The following CRB1 variants were observed in gnomAD, a reference collection of about 807,000 sequenced individuals.
CRB1 encodes the protein protein crumbs homolog 1.
CRB1 carries 83 observed loss-of-function variants against 120.0 expected under a neutral mutation model. The ratio of observed to expected loss-of-function variants is 0.69; its 90% confidence interval spans 0.58 to 0.83. CRB1 has a LOEUF of 0.83. CRB1 is among the 40% of genes least tolerant of loss of function. The pLI, the probability that CRB1 is intolerant of heterozygous loss-of-function variation, is 0.00. For missense variants in CRB1, 1,699 were observed against 1,687.6 expected (o/e 1.01, Z -0.12); for synonymous variants, 625 against 612.5 (o/e 1.02, Z -0.30).
intron 5 of CRB1, among the ~76,000 whole-genome samples, chr1:197,389,395 A>T (rs1478246363): frequency 6.6e-6 from 1 of 152,188 alleles, no homozygotes; most frequent in Non-Finnish European, 1.5e-5. Context: ...ATGCTACAAC[A>T]TAGATGAACC....
At chr1:197,262,838 T>C in the CRB1 span, among the ~76,000 whole-genome samples, 1 of 152,218 alleles carries the variant, frequency 6.6e-6, no homozygotes, top group Admixed American at 6.5e-5. Flanking sequence ...GCTGCATCTA[T>C]GTTCTTGCAA....
intron 5 of CRB1, among the ~76,000 whole-genome samples, chr1:197,406,363 G>C (rs1663393757): frequency 6.6e-6 from 1 of 152,100 alleles, no homozygotes; most frequent in South Asian, 2.1e-4. Context: ...TTGTTAAACA[G>C]ATGCTTGAAG....
At chr1:197,381,843 C>G (rs894726478) in intron 5 of CRB1, among the ~76,000 whole-genome samples, 1 of 152,188 alleles carries the variant, frequency 6.6e-6, no homozygotes, top group African/African-American at 2.4e-5. Context: ...AGATAATTGA[C>G]TTCCTTAAAA....
At chr1:197,467,164 T>C (rs1666784319) in intron 11 of CRB1, among the ~76,000 whole-genome samples, 1 of 152,174 alleles carries the variant, frequency 6.6e-6, no homozygotes, top group Non-Finnish European at 1.5e-5. Context: ...CTTATAAAAA[T>C]TGTTTGTTAA....
intron 5 of CRB1, among the ~76,000 whole-genome samples, chr1:197,400,778 G>T (rs1040970543): frequency 6.6e-6 from 1 of 151,986 alleles, no homozygotes; most frequent in African/African-American, 2.4e-5. Flanking sequence ...AAAAGCTTTT[G>T]TGTTTCTGTT....
chr1:197,269,974 C>T (rs547726864), intron 1 of CRB1, among the ~76,000 whole-genome samples: 18 of 152,138 alleles, frequency 1.2e-4, no homozygotes, highest in African/African-American at 3.9e-4. Context: ...TCATTTTCTT[C>T]GATTTTTAAG....
At chr1:197,320,209 T>A (rs1658110438) in intron 1 of CRB1, among the ~76,000 whole-genome samples, 1 of 152,202 alleles carries the variant, frequency 6.6e-6, no homozygotes, top group South Asian at 2.1e-4. Context: ...CGTGAGAAAG[T>A]GTGTTCACTC....
intron 5 of CRB1, among the ~76,000 whole-genome samples, chr1:197,378,552 C>G (rs1359208612): frequency 1.3e-5 from 2 of 152,146 alleles, no homozygotes; most frequent in Non-Finnish European, 2.9e-5. Flanking sequence ...ACTAGACCTA[C>G]TTTTGATGCC....
At position 197,328,573 on chromosome 1, in the gene CRB1, C is replaced by G. The variant is rs772819260; in HGVS notation, c.222C>G (p.Cys74Trp). The change falls in exon 2 of 12, where the codon TGC becomes TGG. Residue 74 changes from cysteine to tryptophan, a missense_variant. Physicochemically the swap from Cys to Trp is radical, Grantham distance 215. Transcript: ENST00000367400. ...DKDCDNMKDP[C>W]FSNPCQGSAT... ...ACTGTGACAACATGAAAGACCCTTG[C>G]TTCTCCAATCCCTGTCAAGGAAGTG... 1 of 1,614,108 alleles carries G rather than the reference C, an allele frequency of 6.2e-7. No homozygotes were observed. Among genetic ancestry groups the G allele is most frequent in the Non-Finnish European group, 8.5e-7 (1 of 1,180,042 alleles).
chr1:197,352,872 T>C (rs938543551), intron 4 of CRB1, among the ~76,000 whole-genome samples: 1 of 152,198 alleles, frequency 6.6e-6, no homozygotes, highest in Non-Finnish European at 1.5e-5. Flanking sequence ...AGCAAACACA[T>C]TACAATCTCA....
chr1:197,366,050 T>C, intron 5 of CRB1, among the ~76,000 whole-genome samples: 1 of 152,126 alleles, frequency 6.6e-6, no homozygotes, highest in African/African-American at 2.4e-5. Context: ...GAAAAAAAAT[T>C]TTTTTAATGG....
intron 5 of CRB1, among the ~76,000 whole-genome samples, chr1:197,401,784 A>G (rs995324898): frequency 6.6e-6 from 1 of 152,230 alleles, no homozygotes; most frequent in South Asian, 2.1e-4. Flanking sequence ...TGCACTTATC[A>G]TAAGTAGTAT....
chr1:197,414,124 G>A, intron 5 of CRB1: 1 of 228,226 alleles, frequency 4.4e-6, no homozygotes, highest in South Asian at 5.0e-5. Flanking sequence ...TCAAACTTTT[G>A]AGAAAGGAAA....
chr1:197,211,704 C>T, the CRB1 span, among the ~76,000 whole-genome samples: 1 of 151,852 alleles, frequency 6.6e-6, no homozygotes, highest in Admixed American at 6.6e-5. Context: ...CAATAATATG[C>T]CATATTCATA....
Position 197,268,390 on chromosome 1 carries a change from G to T in CRB1, c.-23G>T. On this transcript the variant is annotated 5_prime_UTR_variant, in exon 1 of 12. Coordinates refer to ENST00000367400, the MANE Select transcript of CRB1 (RefSeq NM_201253.3). ...GGACCAGACCACCAGCAACACACCA[G>T]AGGATGTTCTCTAAATAAGACCATG... is the stretch of plus-strand genomic sequence containing the variant. The T allele has an allele frequency of 1.3e-6, 2 of 1,576,522 alleles. No individual in the cohort carries two copies. Among genetic ancestry groups the T allele is most frequent in the South Asian group, 2.2e-5 (2 of 90,288 alleles).
chr1:197,244,675 C>T, the CRB1 span, among the ~76,000 whole-genome samples: 841 of 151,794 alleles, frequency 5.5e-3, 7 homozygotes, highest in African/African-American at 0.019. Flanking sequence ...ATTTGTTCAC[C>T]TTCTTGAATC....
intron 5 of CRB1, 35 bp from the exon 6 acceptor site, chr1:197,420,965 A>G (rs771098720): frequency 2.4e-6 from 3 of 1,238,904 alleles, no homozygotes; most frequent in Non-Finnish European, 3.6e-6. Context: ...TGATGTGAAT[A>G]TATATAATTT....
intron 1 of CRB1, among the ~76,000 whole-genome samples, chr1:197,285,928 C>T (rs978278893): frequency 9.2e-5 from 14 of 151,820 alleles, no homozygotes; most frequent in African/African-American, 3.4e-4. Flanking sequence ...TGAGCAGAAT[C>T]TCTTTCTCTC....
chr1:197,236,385 CAG>C, the CRB1 span, among the ~76,000 whole-genome samples: 1 of 151,848 alleles, frequency 6.6e-6, no homozygotes, highest in Non-Finnish European at 1.5e-5. Context: ...ATTTTTAGTA[CAG>C]ATGCGGTTTC....
Sources: gnomAD v4.1 joint callset for allele counts (sites outside exome capture counted in the v4.1 genomes callset) on GRCh38, gnomAD v4.1.1 for gene constraint, MANE v1.5 for transcripts, NCBI Gene and HGNC (gene_info 2026-07-23, HGNC 2026-07-21) for gene names.